The following GNG2 variants were observed in gnomAD, a reference collection of about 807,000 sequenced individuals.
GNG2 encodes the protein guanine nucleotide-binding protein G(I)/G(S)/G(O) subunit gamma-2.
A neutral mutation model predicts 5.5 loss-of-function variants in GNG2; 5 were observed. The ratio of observed to expected loss-of-function variants is 0.91; its 90% CI spans 0.48 to 1.92. The LOEUF (loss-of-function observed/expected upper bound fraction) is 1.92. Among genes scored for constraint, GNG2 ranks in the 30% most tolerant of loss-of-function variants. The pLI is 0.01. For missense variants in GNG2, 55 were observed against 88.4 expected, an observed-to-expected ratio of 0.62 and a Z score of 1.52; for synonymous variants, 28 against 32.0, an observed-to-expected ratio of 0.88 and a Z score of 0.42.
At chr14:51,828,951 A>G (rs908267952) in intron 2 of GNG2, among the ~76,000 whole-genome samples, 17 of 152,220 alleles carry the variant, frequency 1.1e-4, no homozygotes, top group East Asian at 1.9e-4. Context: ...CTCTTCCACC[A>G]TCACACTCCC....
chr14:51,862,039 AGT>A (rs1318759120), intron 1 of GNG2, among the ~76,000 whole-genome samples: 25 of 152,158 alleles, frequency 1.6e-4, no homozygotes, highest in Non-Finnish European at 4.4e-5. Context: ...GCTAGTTGAG[AGT>A]GTATGTATGT....
Position 51,901,353 on chromosome 14 carries a change from A to AT in GNG2, c.-30+23707dup, listed in dbSNP as rs1004147641. On this transcript the variant is annotated intron_variant, in intron 2 of 3. Transcript: ENST00000556766. Reference sequence around the variant, plus strand: ...AGGTGTGCACCACCATGCCCAGCTAATTTTTTTTTTTCTATTTTTTGTAGT... The same window carrying AT: ...AGGTGTGCACCACCATGCCCAGCTAATTTTTTTTTTTTCTATTTTTTGTAGT... 5.1e-4 allele frequency among the ~76,000 whole-genome samples: 76 copies of AT among 148,790 alleles called. 1 individual carries two copies. In the South Asian group the frequency reaches 6.9e-3, roughly 13 times the overall value.
upstream of GNG2, among the ~76,000 whole-genome samples, chr14:51,859,576 A>G (rs910969583): frequency 1.6e-4 from 25 of 152,214 alleles, no homozygotes; most frequent in African/African-American, 6.0e-4. Context: ...TTTAATCCTC[A>G]TATTTCCAAT....
At chr14:51,862,966 A>G (rs1381608509) in intron 1 of GNG2, among the ~76,000 whole-genome samples, 1 of 147,504 alleles carries the variant, frequency 6.8e-6, no homozygotes, top group African/African-American at 2.5e-5. Flanking sequence ...GTAGACCAAC[A>G]CAGAAATTTT....
chr14:51,931,973 G>T (rs187514148), intron 2 of GNG2, among the ~76,000 whole-genome samples: 2 of 152,042 alleles, frequency 1.3e-5, no homozygotes, highest in East Asian at 3.9e-4. Flanking sequence ...TGGGCCGGGC[G>T]CGGTGGCTCA....
At chr14:51,857,154 T>C (rs1174443990), upstream of GNG2, among the ~76,000 whole-genome samples, 1 of 152,110 alleles carries the variant, frequency 6.6e-6, no homozygotes, top group African/African-American at 2.4e-5. Context: ...GAAATGGAAG[T>C]AGAGGCAAGG....
chr14:51,873,762 C>T (rs1355739711), intron 1 of GNG2: 9 of 152,210 alleles, frequency 5.9e-5, no homozygotes, highest in Admixed American at 5.9e-4. Context: ...AACATTATTG[C>T]AGGTTTAAAT....
intron 1 of GNG2, among the ~76,000 whole-genome samples, chr14:51,869,617 G>A (rs1479768909): frequency 6.6e-6 from 1 of 152,152 alleles, no homozygotes; most frequent in East Asian, 1.9e-4. Flanking sequence ...GTGGGAGGCT[G>A]ATCCTTTCAC....
intron 2 of GNG2, among the ~76,000 whole-genome samples, chr14:51,920,661 C>A (rs1038560146): frequency 1.3e-5 from 2 of 152,118 alleles, no homozygotes; most frequent in Non-Finnish European, 2.9e-5. Context: ...AGGTGAGCAT[C>A]GGAGATTTTG....
At chr14:51,952,483 G>A (rs1359138130) in intron 3 of GNG2, among the ~76,000 whole-genome samples, 1 of 152,184 alleles carries the variant, frequency 6.6e-6, no homozygotes. Flanking sequence ...ATCAGAAAGG[G>A]TCATTCAGTT....
chr14:51,882,021 A>C (rs1884112859), intron 2 of GNG2, among the ~76,000 whole-genome samples: 1 of 152,202 alleles, frequency 6.6e-6, no homozygotes, highest in South Asian at 2.1e-4. Flanking sequence ...AACAAGTTGC[A>C]GAAGAAATGA....
At chr14:51,864,824 T>G (rs1882764971) in intron 1 of GNG2, among the ~76,000 whole-genome samples, 1 of 152,224 alleles carries the variant, frequency 6.6e-6, no homozygotes, top group Non-Finnish European at 1.5e-5. Context: ...GGGGGAGCAG[T>G]AACTTGTGGG....
intron 2 of GNG2, among the ~76,000 whole-genome samples, chr14:51,881,418 A>G (rs1314100145): frequency 2.0e-5 from 3 of 152,120 alleles, no homozygotes; most frequent in Non-Finnish European, 4.4e-5. Context: ...AGCATGAGCC[A>G]CTTACCCCCA....
chr14:51,886,776 C>T (rs1315645573), intron 2 of GNG2, among the ~76,000 whole-genome samples: 2 of 152,164 alleles, frequency 1.3e-5, no homozygotes, highest in Non-Finnish European at 2.9e-5. Flanking sequence ...TTATTCTGAT[C>T]GCCTGCTCAT....
intron 2 of GNG2, among the ~76,000 whole-genome samples, chr14:51,852,131 C>G (rs1881935151): frequency 6.6e-6 from 1 of 152,048 alleles, no homozygotes; most frequent in African/African-American, 2.4e-5. Flanking sequence ...GAATCAATGA[C>G]CATAACTGAT....
At chr14:51,934,166 A>G (rs902044634) in intron 2 of GNG2, among the ~76,000 whole-genome samples, 19 of 152,184 alleles carry the variant, frequency 1.2e-4, no homozygotes, top group Admixed American at 3.3e-4. Flanking sequence ...CTGGTAAAGC[A>G]GCACGTGAGG....
intron 2 of GNG2, chr14:51,939,644 A>C (rs1366013507): frequency 6.6e-6 from 1 of 152,222 alleles, no homozygotes; most frequent in Non-Finnish European, 1.5e-5. Flanking sequence ...GAAATAGTCC[A>C]GAGTGGATTT....
intron 2 of GNG2, among the ~76,000 whole-genome samples, chr14:51,885,508 T>C (rs1028274167): frequency 2.0e-5 from 3 of 152,072 alleles, no homozygotes; most frequent in African/African-American, 4.8e-5. Context: ...ATACCCATAA[T>C]GAATACAAGG....
At chr14:51,941,109 A>G (rs140408235) in intron 2 of GNG2, among the ~76,000 whole-genome samples, 2 of 152,248 alleles carry the variant, frequency 1.3e-5, no homozygotes, top group Non-Finnish European at 2.9e-5. Flanking sequence ...TATATATAAT[A>G]TCAATTTGAT....
Sources: allele counts gnomAD v4.1 joint callset (sites outside exome capture counted in the v4.1 genomes callset), GRCh38; gene constraint gnomAD v4.1.1; transcripts MANE v1.5; gene names NCBI Gene and HGNC (gene_info 2026-07-23, HGNC 2026-07-21).